SNTG1: variants seen among roughly 807,000 people sequenced by gnomAD.
SNTG1 encodes the protein syntrophin gamma 1, also known as gamma-1-syntrophin.
Under a neutral mutation model 74.7 loss-of-function variants are expected in SNTG1, and 39 were observed. The ratio of observed to expected loss-of-function variants is 0.52; its 90% CI spans 0.40 to 0.68. SNTG1 has a LOEUF of 0.68. SNTG1 is among the 30% of genes least tolerant of loss of function. SNTG1 has a pLI of 0.00. For synonymous variants in SNTG1, 254 were observed against 217.1 expected, an observed-to-expected ratio of 1.17 and a Z score of -1.49; for missense variants, 685 against 609.5, an observed-to-expected ratio of 1.12 and a Z score of -1.30.
At chr8:50,738,158 C>G (rs1434541208) in intron 17 of SNTG1, among the ~76,000 whole-genome samples, 1 of 152,108 alleles carries the variant, frequency 6.6e-6, no homozygotes. Context: ...GTTTAGAAAA[C>G]CCCATCGTCT....
intron 1 of SNTG1, among the ~76,000 whole-genome samples, chr8:49,964,924 A>T (rs562290929): frequency 6.6e-6 from 1 of 152,312 alleles, no homozygotes. Flanking sequence ...GTATTATCAA[A>T]CCACATTAGA....
intron 2 of SNTG1, among the ~76,000 whole-genome samples, chr8:50,381,586 G>GTATA (rs1171380951): frequency 1.5e-5 from 2 of 137,740 alleles, no homozygotes; most frequent in African/African-American, 5.2e-5. Flanking sequence ...GTGTGTGTGT[G>GTATA]TGTGTGTATA....
intron 1 of SNTG1, among the ~76,000 whole-genome samples, chr8:50,010,055 CAA>C (rs1308633716): frequency 2.0e-5 from 3 of 152,096 alleles, no homozygotes; most frequent in Non-Finnish European, 4.4e-5. Context: ...TATCAAGTCT[CAA>C]GTCTTCTTAA....
chr8:50,516,919 C>T (rs1468215365), intron 9 of SNTG1, among the ~76,000 whole-genome samples: 1 of 152,158 alleles, frequency 6.6e-6, no homozygotes, highest in Non-Finnish European at 1.5e-5. Context: ...GGCAGGCCAA[C>T]ATTCAAATTC....
intron 13 of SNTG1, among the ~76,000 whole-genome samples, chr8:50,621,598 T>C (rs1167797010): frequency 6.6e-6 from 1 of 152,126 alleles, no homozygotes; most frequent in East Asian, 1.9e-4. Context: ...AATACAAACT[T>C]AGGTGTTTGT....
intron 8 of SNTG1, among the ~76,000 whole-genome samples, chr8:50,459,561 T>G (rs2131672724): frequency 6.6e-6 from 1 of 152,260 alleles, no homozygotes; most frequent in East Asian, 1.9e-4. Flanking sequence ...GAGGTACATG[T>G]GCAGGTTTTT....
At chr8:50,439,417 G>A (rs1377664463) in intron 5 of SNTG1, among the ~76,000 whole-genome samples, 2 of 152,070 alleles carry the variant, frequency 1.3e-5, no homozygotes, top group Non-Finnish European at 2.9e-5. Context: ...CACAACTCAT[G>A]TCATATATTT....
chr8:49,999,696 C>T (rs1814570974), intron 1 of SNTG1, among the ~76,000 whole-genome samples: 1 of 152,186 alleles, frequency 6.6e-6, no homozygotes, highest in African/African-American at 2.4e-5. Context: ...GCTCTGATGT[C>T]ACCTTCACTG....
intron 3 of SNTG1, among the ~76,000 whole-genome samples, chr8:50,399,052 G>T (rs1587474684): frequency 1.3e-5 from 2 of 152,236 alleles, no homozygotes; most frequent in South Asian, 2.1e-4. Context: ...ATTAATAAAT[G>T]TGTGGGATTT....
In SNTG1 at chr8:50,332,444, G is replaced by GT. The variant is rs528018318; in HGVS notation, c.-27-61757dup. Among the ~76,000 whole-genome samples the GT allele has an allele frequency of 9.0e-3, 1,310 of 145,230 alleles. 13 individuals are homozygous for GT. The highest frequency in any genetic ancestry group is 0.02 in the African/African-American group (780 of 39,566). ...AGGAGAAAATTATTACTTAAGCCTT[G>GT]TTTTTTTTTTTAAAATGTGTTTTAT... is the stretch of plus-strand genomic sequence containing the variant. On this transcript the variant is annotated intron_variant, in intron 2 of 18. Transcript: ENST00000642720.
intron 1 of SNTG1, among the ~76,000 whole-genome samples, chr8:50,010,276 C>T (rs1815649715): frequency 6.6e-6 from 1 of 152,080 alleles, no homozygotes; most frequent in Non-Finnish European, 1.5e-5. Flanking sequence ...CTCACTTAAT[C>T]CTCACAAACT....
At position 50,391,309 on chromosome 8, in the gene SNTG1, G is replaced by A. The variant is rs147906260; in HGVS notation, c.-27-2903G>A. On this transcript the variant is annotated intron_variant, in intron 2 of 18. Coordinates refer to ENST00000642720, the MANE Select transcript of SNTG1 (RefSeq NM_018967.5). The stretch of plus-strand genomic sequence containing the variant: ...CTGTTGAATTTTGTCGAAGGTCTTT[G>A]CTGCATTTATTGAGATAATCACGTG... 2.6e-3 allele frequency among the ~76,000 whole-genome samples: 400 copies of A among 152,204 alleles called. 1 individual carries two copies. Among genetic ancestry groups the A allele is most frequent in the African/African-American group, 9.3e-3 (385 of 41,534 alleles).
intron 12 of SNTG1, among the ~76,000 whole-genome samples, chr8:50,580,263 C>A (rs902702361): frequency 6.6e-6 from 1 of 152,140 alleles, no homozygotes; most frequent in African/African-American, 2.4e-5. Context: ...AATTCCTGTA[C>A]CCCTATTGTA....
intron 17 of SNTG1, among the ~76,000 whole-genome samples, chr8:50,742,034 C>T (rs546171842): frequency 6.6e-6 from 1 of 152,030 alleles, no homozygotes; most frequent in South Asian, 2.1e-4. Flanking sequence ...ATAATAATAT[C>T]AATGTAGGTT....
chr8:50,700,443 G>A (rs1200090293), intron 15 of SNTG1, among the ~76,000 whole-genome samples: 2 of 152,092 alleles, frequency 1.3e-5, no homozygotes, highest in Non-Finnish European at 2.9e-5. Context: ...TTCTGATAAA[G>A]GAACCCCTGC....
chr8:50,358,794 C>T (rs562281612), intron 2 of SNTG1, among the ~76,000 whole-genome samples: 1 of 152,264 alleles, frequency 6.6e-6, no homozygotes, highest in African/African-American at 2.4e-5. Flanking sequence ...ACTTTCAATG[C>T]AGATATGGTA....
intron 8 of SNTG1, among the ~76,000 whole-genome samples, chr8:50,485,055 G>A (rs1392591250): frequency 1.3e-5 from 2 of 152,152 alleles, no homozygotes; most frequent in African/African-American, 4.8e-5. Context: ...TCTGAATTAA[G>A]TATTTTGGGG....
intron 12 of SNTG1, among the ~76,000 whole-genome samples, chr8:50,585,154 A>C (rs766380742): frequency 4.6e-5 from 7 of 152,196 alleles, no homozygotes; most frequent in Non-Finnish European, 7.3e-5. Context: ...AGCAGAGATG[A>C]ATATAATTTA....
chr8:50,488,681 G>A (rs2093821229), intron 8 of SNTG1, among the ~76,000 whole-genome samples: 1 of 152,148 alleles, frequency 6.6e-6, no homozygotes, highest in African/African-American at 2.4e-5. Context: ...CATGATGACA[G>A]CAAGCCATGT....
Sources: gnomAD v4.1 joint callset for allele counts (sites outside exome capture counted in the v4.1 genomes callset) on GRCh38, gnomAD v4.1.1 for gene constraint, MANE v1.5 for transcripts, NCBI Gene and HGNC (gene_info 2026-07-23, HGNC 2026-07-21) for gene names.